Variants in ZNF17 observed in about 807,000 individuals in gnomAD.
The protein encoded by ZNF17 is zinc finger protein 17, also known as zinc finger protein 17 (HPF3, KOX 10).
In ZNF17, 4 loss-of-function variants were observed where a neutral mutation model predicts 7.7. The observed-to-expected ratio is 0.52, with a 90% CI of 0.26 to 1.20. ZNF17 has a LOEUF of 1.20. ZNF17 is among the 50% of genes most tolerant of loss of function. ZNF17 has a pLI of 0.14. For missense variants in ZNF17, 738 were observed against 799.5 expected, an observed-to-expected ratio of 0.92 and a Z score of 0.93; for synonymous variants, 249 against 258.8, an observed-to-expected ratio of 0.96 and a Z score of 0.36.
chr19:57,419,410 G>GCACT (rs2088832336), intron 3 of ZNF17: 1 of 506,326 alleles, frequency 2.0e-6, no homozygotes, highest in South Asian at 2.3e-5. Flanking sequence ...TCTGTGCTCT[G>GCACT]CACTGTACCA....
chr19:57,411,303 G>T lies in ZNF17; in HGVS notation c.-124G>T. On this transcript the variant is annotated 5_prime_UTR_variant, in exon 1 of 4. Transcript: ENST00000307658. ...GGCTAGAGTGAGGCTCGGTTGAATC[G>T]GTTGCAGGCGTTGGTGCCTCTGTCA... 1 of 1,550,028 alleles carries T rather than the reference G, an allele frequency of 6.5e-7. No individual in the cohort carries two copies. Among genetic ancestry groups the T allele is most frequent in the Non-Finnish European group, 8.7e-7 (1 of 1,144,496 alleles).
At position 57,420,527 on chromosome 19, in the gene ZNF17, C is replaced by G. The variant is rs1014726088; in HGVS notation, c.1041C>G (p.Leu347=). ...CGKYFMYSSA[L]IRHQKVHTGE... The stretch of plus-strand genomic sequence containing the variant: ...AATACTTTATGTACAGTTCAGCACT[C>G]ATTAGACATCAGAAAGTTCACACTG... Residue 347 remains leucine, a synonymous_variant, in exon 4 of 4, where the codon CTC becomes CTG. Coordinates refer to ENST00000307658, the MANE Select transcript of ZNF17 (RefSeq NM_001330617.2). The G allele has an allele frequency of 3.1e-6, 5 of 1,612,998 alleles. No individual in the cohort carries two copies. The African/African-American group carries it at 6.7e-5, about 22-fold the overall frequency.
chr19:57,412,035 G>C (rs1291601351), intron 1 of ZNF17, among the ~76,000 whole-genome samples: 1 of 149,462 alleles, frequency 6.7e-6, no homozygotes, highest in African/African-American at 2.5e-5. Flanking sequence ...CATTTTGGAG[G>C]GCTGAGTTTT....
chr19:57,417,720 G>A (rs1287123890), intron 2 of ZNF17, among the ~76,000 whole-genome samples, 192 bp from the exon 3 acceptor site: 3 of 151,754 alleles, frequency 2.0e-5, no homozygotes, highest in Admixed American at 6.6e-5. Flanking sequence ...GGTGGCACGC[G>A]CCTGTAATCC....
At chr19:57,412,928 A>T (rs1427715819) in intron 1 of ZNF17, among the ~76,000 whole-genome samples, 2 of 150,100 alleles carry the variant, frequency 1.3e-5, no homozygotes, top group East Asian at 2.0e-4. Context: ...GCCAGGCTGG[A>T]GTGCAGTGGC....
rs2088852815 is a variant in ZNF17 at position 57,421,625 on chromosome 19, AGT to A, written c.*145_*146del. 13 of 937,834 alleles carry A rather than the reference AGT, an allele frequency of 1.4e-5. No individual in the cohort carries two copies. The highest frequency in any genetic ancestry group is 2.0e-5 in the Non-Finnish European group (13 of 644,974). The allele number at this position is 937,834 out of a possible 1,614,324, so 58.1% of individuals were successfully genotyped here. On this transcript the variant is annotated 3_prime_UTR_variant, in exon 4 of 4. Transcript: ENST00000307658. ...ACATCTTAACCATGTTAAAGTGTAT[AGT>A]TCAGTACTGTTAAGTCATTCACATT... is the stretch of plus-strand genomic sequence containing the variant.
In ZNF17 at chr19:57,419,997, A is replaced by G. The variant is rs1196952679; in HGVS notation, c.511A>G (p.Ser171Gly). 2 of 1,614,206 alleles carry G rather than the reference A, an allele frequency of 1.2e-6. No individual in the cohort carries two copies. The highest frequency in any genetic ancestry group is 4.5e-5 in the East Asian group (2 of 44,878). ...AGATCTTCAACAACAGGCTCTTCAC[A>G]GTGGGTGGAAGCCACACAGGGACAC... ...DSDLQQQALHSGWKPHRDTHG... is the reference protein window; with the variant it reads ...DSDLQQQALHGGWKPHRDTHG... Residue 171 changes from serine (S) to glycine (G), a missense_variant, in exon 4 of 4, where the codon AGT (serine) becomes GGT (glycine). This residue lies in a region of ZNF17 where 616 missense variants were observed against 663.9 expected (regional missense o/e 0.93). Transcript: ENST00000307658.
chr19:57,416,437 G>A (rs2088811679), intron 2 of ZNF17, among the ~76,000 whole-genome samples: 2 of 152,096 alleles, frequency 1.3e-5, no homozygotes, highest in Admixed American at 1.3e-4. Context: ...TTATCTGAGA[G>A]GCAAGATCTG....
At chr19:57,412,809 C>G (rs1034642157) in intron 1 of ZNF17, among the ~76,000 whole-genome samples, 1 of 151,958 alleles carries the variant, frequency 6.6e-6, no homozygotes, top group Non-Finnish European at 1.5e-5. Context: ...ACACATAGGT[C>G]GGCAGTTAGA....
chr19:57,421,598 T>C lies in ZNF17; in HGVS notation c.*117T>C. 8.6e-7 allele frequency: 1 copy of C among 1,168,396 alleles called. No individual in the cohort carries two copies. Among genetic ancestry groups the C allele is most frequent in the Non-Finnish European group, 1.2e-6 (1 of 841,952 alleles). The allele number at this position is 1,168,396 out of a possible 1,614,324, so 72.4% of individuals were successfully genotyped here. Reference sequence around the variant, plus strand: ...TGTAGAATACAGATAACATAAAATCTAACATCTTAACCATGTTAAAGTGTA... The same window carrying C: ...TGTAGAATACAGATAACATAAAATCCAACATCTTAACCATGTTAAAGTGTA... On this transcript the variant is annotated 3_prime_UTR_variant, in exon 4 of 4. Coordinates refer to ENST00000307658, the MANE Select transcript of ZNF17 (RefSeq NM_001330617.2).
At chr19:57,413,118 C>G (rs1388977044) in intron 1 of ZNF17, among the ~76,000 whole-genome samples, 1 of 151,984 alleles carries the variant, frequency 6.6e-6, no homozygotes, top group Non-Finnish European at 1.5e-5. Context: ...ACCTCGTGAT[C>G]CGCCCACCTC....
chr19:57,419,561 C>A, intron 3 of ZNF17, 74 bp from the exon 4 acceptor site: 2 of 1,486,978 alleles, frequency 1.3e-6, no homozygotes, highest in Non-Finnish European at 1.8e-6. Context: ...GTGAGTTGGT[C>A]TGACAGACAT....
rs117133843 is a variant in ZNF17 at position 57,419,421 on chromosome 19, C to T, written c.149-214C>T. ...CACTTCTGTGCTCTGCACTGTACCA[C>T]TCCCTATGTTGTTCCCCATCATCAG... On this transcript the variant is annotated intron_variant, in intron 3 of 3. Coordinates refer to ENST00000307658, the MANE Select transcript of ZNF17 (RefSeq NM_001330617.2). 1,366 of 537,798 alleles carry T rather than the reference C, an allele frequency of 2.5e-3. 5 individuals carry two copies. Among genetic ancestry groups the T allele is most frequent in the Non-Finnish European group, 3.7e-3 (1,126 of 300,684 alleles). The allele number at this position is 537,798 out of a possible 1,614,324, so 33.3% of individuals were successfully genotyped here.
chr19:57,418,001 T>C lies in ZNF17; in HGVS notation c.111T>C (p.Asp37=). The C allele has an allele frequency of 2.5e-6, 4 of 1,614,114 alleles. No homozygotes were observed. The highest frequency in any genetic ancestry group is 3.4e-6 in the Non-Finnish European group (4 of 1,180,022). Residue 37 remains aspartate (D), a synonymous_variant, in exon 3 of 4, where the codon GAT becomes GAC. Coordinates refer to ENST00000307658, the MANE Select transcript of ZNF17 (RefSeq NM_001330617.2). ...LNDVQRHLHS[D]VMLENFALLS... ...ACGTTCAGAGACACCTGCACAGCGA[T>C]GTGATGCTGGAGAACTTTGCACTTT...
intron 2 of ZNF17, among the ~76,000 whole-genome samples, chr19:57,414,336 G>GTT (rs1265171492): frequency 8.7e-5 from 12 of 137,162 alleles, no homozygotes; most frequent in Non-Finnish European, 9.6e-5. Flanking sequence ...ACCTGGCCTT[G>GTT]TTTTTTTTTT....
Position 57,411,320 on chromosome 19 carries a change from C to T in ZNF17, c.-107C>T, listed in dbSNP as rs2123058358. 1 of 1,578,100 alleles carries T rather than the reference C, an allele frequency of 6.3e-7. No individual in the cohort carries two copies. ...GTTGAATCGGTTGCAGGCGTTGGTG[C>T]CTCTGTCAGCGTCCAGGTCACTGCC... On this transcript the variant is annotated 5_prime_UTR_variant, in exon 1 of 4. Coordinates refer to ENST00000307658, the MANE Select transcript of ZNF17 (RefSeq NM_001330617.2).
chr19:57,411,478 C>A, intron 1 of ZNF17, 72 bp downstream of exon 1: 1 of 1,574,840 alleles, frequency 6.3e-7, no homozygotes, highest in Non-Finnish European at 8.6e-7. Flanking sequence ...AGGGGCCCTG[C>A]AGGTCAGGCC....
chr19:57,420,032 G>A lies in ZNF17; in HGVS notation c.546G>A (p.Val182=), dbSNP rs1290450606. ...GWKPHRDTHG[V]EAFQSGQNNY... ...AGCCACACAGGGACACTCATGGTGT[G>A]GAGGCCTTTCAAAGTGGACAGAATA... The change falls in exon 4 of 4, where the codon GTG becomes GTA. Residue 182 remains valine (V), a synonymous_variant. Coordinates refer to ENST00000307658, the MANE Select transcript of ZNF17 (RefSeq NM_001330617.2). The A allele has an allele frequency of 1.2e-6, 2 of 1,614,200 alleles. No homozygotes were observed. Among genetic ancestry groups the A allele is most frequent in the East Asian group, 2.2e-5 (1 of 44,886 alleles).
At position 57,421,595 on chromosome 19, in the gene ZNF17, A is replaced by C; in HGVS notation, c.*114A>C. On this transcript the variant is annotated 3_prime_UTR_variant, in exon 4 of 4. Coordinates refer to ENST00000307658, the MANE Select transcript of ZNF17 (RefSeq NM_001330617.2). ...TCTTGTAGAATACAGATAACATAAA[A>C]TCTAACATCTTAACCATGTTAAAGT... 1.7e-6 allele frequency: 2 copies of C among 1,191,692 alleles called. No individual in the cohort carries two copies. The highest frequency in any genetic ancestry group is 2.3e-6 in the Non-Finnish European group (2 of 861,170). The allele number at this position is 1,191,692 out of a possible 1,614,324, so 73.8% of individuals were successfully genotyped here. A position where few individuals can be genotyped will look rare whatever the true frequency, so the allele number is the denominator to read the frequency against.
Sources: gnomAD v4.1 joint callset for allele counts (sites outside exome capture counted in the v4.1 genomes callset) on GRCh38, gnomAD v4.1.1 for gene constraint, gnomAD v4.1.1 regional missense constraint, MANE v1.5 for transcripts, NCBI Gene and HGNC (gene_info 2026-07-23, HGNC 2026-07-21) for gene names.